Variants in KLF12 observed in about 807,000 individuals in gnomAD.
KLF12 encodes KLF transcription factor 12.
Under a neutral mutation model 37.8 loss-of-function variants are expected in KLF12, and 9 were observed. The observed-to-expected ratio is 0.24, with a 90% CI of 0.14 to 0.42. KLF12 has a LOEUF of 0.42. KLF12 is among the 10% of genes least tolerant of loss of function. The pLI, the probability that KLF12 is intolerant of heterozygous loss-of-function variation, is 1.00. For missense variants in KLF12, 411 were observed against 516.0 expected (o/e 0.80, Z 1.97); for synonymous variants, 208 against 202.1 (o/e 1.03, Z -0.25).
At chr13:73,959,177 C>T (rs1470553078) in intron 2 of KLF12, among the ~76,000 whole-genome samples, 3 of 151,122 alleles carry the variant, frequency 2.0e-5, no homozygotes, top group Non-Finnish European at 4.4e-5. Flanking sequence ...ATGAATTTTC[C>T]ATCAAGGAAT....
intron 3 of KLF12, among the ~76,000 whole-genome samples, chr13:73,915,098 T>A (rs1159773848): frequency 1.3e-5 from 2 of 152,144 alleles, no homozygotes; most frequent in Non-Finnish European, 2.9e-5. Context: ...CTCTCCCAGC[T>A]TCCAGTGGCT....
chr13:73,846,241 T>C lies in KLF12; in HGVS notation c.256A>G (p.Ile86Val). 2 of 1,614,168 alleles carry C rather than the reference T, an allele frequency of 1.2e-6. No individual in the cohort carries two copies. Among genetic ancestry groups the C allele is most frequent in the Non-Finnish European group, 1.7e-6 (2 of 1,180,026 alleles). Residue 86 changes from isoleucine (I) to valine (V), a missense_variant, in exon 4 of 8, where the codon ATA becomes GTA. Ile to Val is a conservative substitution (Grantham distance 29). Around this residue, in one of 2 missense-constraint regions of KLF12, gnomAD observed 351 missense variants for 397.8 expected, o/e 0.88. Transcript: ENST00000377669. ...GTAGGGGACGTCCTGGCTTTGTTTA[T>C]TGACAAGTCCACTGGCTCAGTTTGT... is the stretch of plus-strand genomic sequence containing the variant.
At chr13:73,713,607 C>T (rs1056000700) in intron 7 of KLF12, among the ~76,000 whole-genome samples, 5 of 152,210 alleles carry the variant, frequency 3.3e-5, no homozygotes, top group African/African-American at 1.2e-4. Context: ...TATTAATAGC[C>T]AAGCTAATCA....
Position 73,690,294 on chromosome 13 carries a change from G to A in KLF12, c.*5196C>T, listed in dbSNP as rs973145517. 14 of 152,584 alleles carry A rather than the reference G, an allele frequency of 9.2e-5. No individual in the cohort carries two copies. The highest frequency in any genetic ancestry group is 3.4e-4 in the African/African-American group (14 of 41,454). 9.5% of individuals were successfully genotyped at this position (152,584 alleles called of 1,614,324 possible). ...GGGCATTAGCTTATTCCTATTGCGAGTATAGATTCCTTTAACACGTGGCCA... is the reference window on the plus strand; with the variant it reads ...GGGCATTAGCTTATTCCTATTGCGAATATAGATTCCTTTAACACGTGGCCA... On this transcript the variant is annotated 3_prime_UTR_variant, in exon 8 of 8. Coordinates refer to ENST00000377669, the MANE Select transcript of KLF12 (RefSeq NM_007249.5).
At chr13:73,696,175 C>T (rs761414187) in intron 7 of KLF12, among the ~76,000 whole-genome samples, 12 of 151,526 alleles carry the variant, frequency 7.9e-5, no homozygotes, top group African/African-American at 1.2e-4. Context: ...CGATAATGTA[C>T]TCTACTACCT....
At chr13:73,759,743 TA>T (rs1879426462) in intron 6 of KLF12, among the ~76,000 whole-genome samples, 1 of 152,096 alleles carries the variant, frequency 6.6e-6, no homozygotes, top group Non-Finnish European at 1.5e-5. Context: ...ATTTGTAAGG[TA>T]AGGAGGTTGA....
intron 2 of KLF12, among the ~76,000 whole-genome samples, chr13:73,968,966 A>G (rs1408211470): frequency 3.3e-5 from 5 of 151,938 alleles, no homozygotes; most frequent in Non-Finnish European, 7.4e-5. Context: ...GATTTCCCAT[A>G]AAGTGTCTAA....
the KLF12 span, among the ~76,000 whole-genome samples, chr13:74,141,621 T>C: frequency 6.6e-6 from 1 of 152,140 alleles, no homozygotes; most frequent in African/African-American, 2.4e-5. Context: ...AGCCCCAATC[T>C]CATTTTATTT....
At chr13:74,071,141 T>C (rs1394119539) in intron 1 of KLF12, among the ~76,000 whole-genome samples, 2 of 151,984 alleles carry the variant, frequency 1.3e-5, no homozygotes, top group African/African-American at 4.8e-5. Flanking sequence ...GAATGGAGAG[T>C]ACTATATAAA....
intron 3 of KLF12, among the ~76,000 whole-genome samples, chr13:73,904,739 C>T (rs1310005324): frequency 6.6e-6 from 1 of 151,876 alleles, no homozygotes; most frequent in African/African-American, 2.4e-5. Flanking sequence ...CTGTAACTCC[C>T]AGGGTTGGTT....
At chr13:74,070,884 G>C (rs1256704981) in intron 1 of KLF12, among the ~76,000 whole-genome samples, 1 of 152,148 alleles carries the variant, frequency 6.6e-6, no homozygotes, top group Non-Finnish European at 1.5e-5. Flanking sequence ...AAGTTTGTGG[G>C]AACATGGATG....
At chr13:74,102,132 C>A (rs1227871714) in intron 1 of KLF12, among the ~76,000 whole-genome samples, 1 of 151,256 alleles carries the variant, frequency 6.6e-6, no homozygotes, top group Non-Finnish European at 1.5e-5. Context: ...GCAGGAGAAT[C>A]GCTTGAACCC....
rs549141998 is a variant in KLF12 at position 74,070,021 on chromosome 13, T to C, written c.-32+63718A>G. Among the ~76,000 whole-genome samples the C allele has an allele frequency of 2.0e-5, 3 of 152,240 alleles. No individual in the cohort carries two copies. In the South Asian group the frequency reaches 6.2e-4, roughly 32 times the overall value. ...TGCTCAAGAGAGGTGAAGAGATCTA[T>C]TTAAGGACTCATTACTCTATGGGTA... On this transcript the variant is annotated intron_variant, in intron 1 of 7. Coordinates refer to ENST00000377669, the MANE Select transcript of KLF12 (RefSeq NM_007249.5).
the KLF12 span, among the ~76,000 whole-genome samples, chr13:74,230,674 A>G: frequency 6.6e-5 from 10 of 152,152 alleles, no homozygotes; most frequent in Non-Finnish European, 1.3e-4. Context: ...CTCGGGATGA[A>G]TTCTACCCCG....
intron 1 of KLF12, among the ~76,000 whole-genome samples, chr13:74,104,360 A>T (rs1876534187): frequency 6.6e-6 from 1 of 152,232 alleles, no homozygotes; most frequent in Admixed American, 6.5e-5. Context: ...ATAAACTGAG[A>T]TTCATAAAGA....
chr13:74,026,080 T>C (rs1892969497), intron 1 of KLF12, among the ~76,000 whole-genome samples: 1 of 152,118 alleles, frequency 6.6e-6, no homozygotes, highest in African/African-American at 2.4e-5. Flanking sequence ...AATGTCAATT[T>C]CCTATTTTTA....
At chr13:73,972,328 C>T (rs74095930) in intron 2 of KLF12, among the ~76,000 whole-genome samples, 3,625 of 152,074 alleles carry the variant, frequency 0.024, 138 homozygotes, top group African/African-American at 0.083. Context: ...CATTAAAGAA[C>T]GTCTTTAAAA....
intron 2 of KLF12, among the ~76,000 whole-genome samples, chr13:73,974,537 C>T (rs1891452340): frequency 6.6e-6 from 1 of 152,100 alleles, no homozygotes; most frequent in South Asian, 2.1e-4. Context: ...TCAGGAAATG[C>T]AGCATCCACA....
At chr13:74,188,384 ATAATACTTT>A in the KLF12 span, among the ~76,000 whole-genome samples, 31 of 152,234 alleles carry the variant, frequency 2.0e-4, no homozygotes, top group Non-Finnish European at 2.1e-4. Flanking sequence ...CTTTGATGTC[ATAATACTTT>A]TCTGAAAATA....
Sources: allele counts gnomAD v4.1 joint callset (sites outside exome capture counted in the v4.1 genomes callset), GRCh38; gene constraint gnomAD v4.1.1; regional missense constraint gnomAD v4.1.1; transcripts MANE v1.5; gene names NCBI Gene and HGNC (gene_info 2026-07-23, HGNC 2026-07-21).